Variants in ADGRA2 observed in about 807,000 individuals in gnomAD.
ADGRA2 encodes the protein adhesion G protein-coupled receptor A2.
In ADGRA2, 61 loss-of-function variants were observed where a neutral mutation model predicts 98.7. That is an observed-to-expected ratio of 0.62 (90% CI 0.50 to 0.76). The LOEUF is 0.76. Ranked by LOEUF, ADGRA2 falls within the 30% of genes least tolerant of loss-of-function variation. ADGRA2 has a pLI of 0.00. For synonymous variants in ADGRA2, 858 were observed against 831.5 expected, an observed-to-expected ratio of 1.03 and a Z score of -0.55; for missense variants, 1,712 against 1,860.0, an observed-to-expected ratio of 0.92 and a Z score of 1.46.
At position 37,842,656 on chromosome 8, in the gene ADGRA2, C is replaced by T; in HGVS notation, c.*301C>T. The T allele has an allele frequency of 3.0e-6, 1 of 332,172 alleles. No homozygotes were observed. 20.6% of individuals were successfully genotyped at this position (332,172 alleles called of 1,614,324 possible). On this transcript the variant is annotated 3_prime_UTR_variant, in exon 19 of 19. Coordinates refer to ENST00000412232, the MANE Select transcript of ADGRA2 (RefSeq NM_032777.10). ...AAGGGCACAGCACATCCCAGGTGCACCCTCCCCAAGTACTCCCACCCCGCC... is the reference window on the plus strand; with the variant it reads ...AAGGGCACAGCACATCCCAGGTGCATCCTCCCCAAGTACTCCCACCCCGCC...
At chr8:37,817,638 T>C (rs1006876834) in intron 2 of ADGRA2, among the ~76,000 whole-genome samples, 3 of 152,110 alleles carry the variant, frequency 2.0e-5, no homozygotes, top group African/African-American at 7.2e-5. Flanking sequence ...GCTGGGGAAG[T>C]TGAGGCTGCA....
At position 37,835,321 on chromosome 8, in the gene ADGRA2, C is replaced by T. The variant is rs760129498; in HGVS notation, c.1756C>T (p.Pro586Ser). 8.7e-6 allele frequency: 14 copies of T among 1,613,444 alleles called. No homozygotes were observed. The highest frequency in any genetic ancestry group is 5.0e-5 in the Admixed American group (3 of 59,990). The change falls in exon 12 of 19, where the codon CCC becomes TCC. Residue 586 changes from proline (P) to serine (S), a missense_variant. By Grantham distance (74) the Pro-to-Ser change is moderately conservative (BLOSUM62 -1). Transcript: ENST00000412232. ...PGQNPPPEPEPPADQQLRFRC... is the reference protein window; with the variant it reads ...PGQNPPPEPESPADQQLRFRC... The stretch of plus-strand genomic sequence containing the variant: ...CCAGAACCCCCCACCTGAGCCCGAG[C>T]CCCCAGCTGACCAGCAGCTCCGCTT...
At chr8:37,828,274 A>G (rs1329680430) in intron 2 of ADGRA2, among the ~76,000 whole-genome samples, 1 of 152,176 alleles carries the variant, frequency 6.6e-6, no homozygotes, top group East Asian at 1.9e-4. Flanking sequence ...AATGCTTCCC[A>G]GGGCAACCCC....
At chr8:37,805,459 G>A (rs527685351) in intron 1 of ADGRA2, among the ~76,000 whole-genome samples, 25 of 152,278 alleles carry the variant, frequency 1.6e-4, no homozygotes, top group Non-Finnish European at 2.2e-4. Flanking sequence ...GGTCTGCGCC[G>A]CGTGTGTTGG....
chr8:37,824,159 A>G (rs1320498040), intron 2 of ADGRA2, among the ~76,000 whole-genome samples: 2 of 152,018 alleles, frequency 1.3e-5, no homozygotes, highest in East Asian at 1.9e-4. Context: ...TGCTTCCTGA[A>G]TAGCTGGGAT....
At chr8:37,827,456 A>G (rs1269544722) in intron 2 of ADGRA2, among the ~76,000 whole-genome samples, 1 of 152,230 alleles carries the variant, frequency 6.6e-6, no homozygotes, top group Non-Finnish European at 1.5e-5. Context: ...CCCCAGGGGC[A>G]GGTGAGGAAG....
rs34639785 is a variant in ADGRA2 at position 37,824,489 on chromosome 8, ATT to A, written c.339-4379_339-4378del. Among the ~76,000 whole-genome samples, 692 of 114,674 alleles carry A rather than the reference ATT, an allele frequency of 6.0e-3. 3 individuals are homozygous for A. The highest frequency in any genetic ancestry group is 0.02 in the African/African-American group (576 of 29,144). 75.2% of individuals were successfully genotyped at this position (114,674 alleles called of 152,430 possible). Reference sequence around the variant, plus strand: ...TCTTGATGGTATCCTCTAAGGTGCAATTTTTTTTTTTTTTTTTTTTTGAGACT... The same window carrying A: ...TCTTGATGGTATCCTCTAAGGTGCAATTTTTTTTTTTTTTTTTTTGAGACT... On this transcript the variant is annotated intron_variant, in intron 2 of 18. Transcript: ENST00000412232.
intron 14 of ADGRA2, among the ~76,000 whole-genome samples, chr8:37,838,495 C>T (rs556528402): frequency 2.6e-5 from 4 of 152,222 alleles, no homozygotes; most frequent in East Asian, 3.9e-4. Flanking sequence ...TCAAATGATC[C>T]GCCCGCCTCA....
intron 1 of ADGRA2, among the ~76,000 whole-genome samples, chr8:37,799,227 T>C (rs1290771012): frequency 6.6e-6 from 1 of 151,916 alleles, no homozygotes; most frequent in Admixed American, 6.5e-5. Flanking sequence ...ATACAAAAAT[T>C]AGCCAGGCGT....
chr8:37,811,119 C>CAAAAAAAAAAAA (rs1158782949), intron 1 of ADGRA2, among the ~76,000 whole-genome samples: 1 of 68,626 alleles, frequency 1.5e-5, no homozygotes, highest in African/African-American at 5.0e-5. Context: ...GTCTCAAAAA[C>CAAAAAAAAAAAA]AAAAAAAAAA....
intron 2 of ADGRA2, among the ~76,000 whole-genome samples, chr8:37,822,578 G>A (rs544301318): frequency 6.6e-5 from 10 of 152,154 alleles, no homozygotes; most frequent in Admixed American, 3.3e-4. Context: ...TTCATCATCC[G>A]CAAAAGAAAC....
chr8:37,804,297 A>G (rs1043415615), intron 1 of ADGRA2, among the ~76,000 whole-genome samples: 5 of 152,200 alleles, frequency 3.3e-5, no homozygotes, highest in African/African-American at 1.2e-4. Context: ...AGCAAGACAG[A>G]GAGATCTGGA....
rs555538357 is a variant in ADGRA2 at position 37,838,413 on chromosome 8, G to A, written c.2259+474G>A. ...ATTACAGGCGTGTGCCACCATGCCC[G>A]GCTAATTTTTTGTATTTTTAGTAGA... On this transcript the variant is annotated intron_variant, in intron 14 of 18. Transcript: ENST00000412232. Among the ~76,000 whole-genome samples the A allele has an allele frequency of 1.4e-4, 21 of 152,066 alleles. No homozygotes were observed. In the South Asian group the frequency reaches 3.5e-3, roughly 26 times the overall value.
intron 1 of ADGRA2, among the ~76,000 whole-genome samples, chr8:37,800,981 G>T (rs1024775397): frequency 2.0e-5 from 3 of 152,026 alleles, no homozygotes; most frequent in Non-Finnish European, 4.4e-5. Context: ...GGGCCCCGGG[G>T]CACTCAGGAT....
At position 37,840,864 on chromosome 8, in the gene ADGRA2, C is replaced by A; in HGVS notation, c.2747+15C>A. Reference sequence around the variant, plus strand: ...CACAGCCCCTAGTGAGCACCCCTCCCTCCCGCCCCAAGCCTACCTACCTAA... The same window carrying A: ...CACAGCCCCTAGTGAGCACCCCTCCATCCCGCCCCAAGCCTACCTACCTAA... On this transcript the variant is annotated intron_variant, in intron 18 of 18. Transcript: ENST00000412232. The A allele has an allele frequency of 3.5e-6, 5 of 1,426,790 alleles. No individual in the cohort carries two copies. The highest frequency in any genetic ancestry group is 4.9e-6 in the Non-Finnish European group (5 of 1,014,660). The allele number at this position is 1,426,790 out of a possible 1,614,324, so 88.4% of individuals were successfully genotyped here.
chr8:37,810,952 TA>T (rs113103025), intron 1 of ADGRA2, among the ~76,000 whole-genome samples: 26,033 of 147,464 alleles, frequency 0.18, 4,647 homozygotes, highest in African/African-American at 0.45. Flanking sequence ...CCGTCTCTAC[TA>T]AAAAAAAAAT....
In ADGRA2 at chr8:37,830,835, TACC is replaced by T; in HGVS notation, c.847_849del (p.His283del). ...GGGCAACGACACCCGCATCCGCTGG[TACC>T]ACAACCGAGCCCCTGTGGAGGGTGA... On this transcript the variant is annotated inframe_deletion, in exon 7 of 19. Transcript: ENST00000412232. The surrounding 1 kb of genome is among the most constrained non-coding windows in gnomAD (Gnocchi z 4.8). 6.3e-7 allele frequency: 1 copy of T among 1,592,374 alleles called. No homozygotes were observed. The highest frequency in any genetic ancestry group is 8.5e-7 in the Non-Finnish European group (1 of 1,169,798).
chr8:37,809,298 T>TA (rs374479525), intron 1 of ADGRA2, among the ~76,000 whole-genome samples: 30,105 of 137,898 alleles, frequency 0.22, 3,250 homozygotes, highest in Middle Eastern at 0.34. Flanking sequence ...TTGTCTCTCT[T>TA]AAAAAAAAAA....
At position 37,834,266 on chromosome 8, in the gene ADGRA2, G is replaced by T. The variant is rs1805545862; in HGVS notation, c.1608+138G>T. On this transcript the variant is annotated intron_variant, in intron 11 of 18. Coordinates refer to ENST00000412232, the MANE Select transcript of ADGRA2 (RefSeq NM_032777.10). This position sits in a 1 kb window ranked among gnomAD's most constrained non-coding sequence, Gnocchi z 4.2. The stretch of plus-strand genomic sequence containing the variant: ...TCTGAGCCATGGGGTTCACTTCCAA[G>T]TTGTCAGGGGCAGTGCTAAGGAGAG... 1.2e-6 allele frequency: 1 copy of T among 829,590 alleles called. No individual in the cohort carries two copies. Among genetic ancestry groups the T allele is most frequent in the Non-Finnish European group, 1.8e-6 (1 of 543,242 alleles). The allele number at this position is 829,590 out of a possible 1,614,324, so 51.4% of individuals were successfully genotyped here. A position where few individuals can be genotyped will look rare whatever the true frequency, so the allele number is the denominator to read the frequency against.
Sources: gnomAD v4.1 joint callset for allele counts (sites outside exome capture counted in the v4.1 genomes callset) on GRCh38, gnomAD v4.1.1 for gene constraint, Gnocchi (gnomAD v3.1) non-coding constraint, MANE v1.5 for transcripts, NCBI Gene and HGNC (gene_info 2026-07-23, HGNC 2026-07-21) for gene names.